ACTR3C: variants seen among roughly 807,000 people sequenced by gnomAD.
ACTR3C encodes the protein actin related protein 3C, also known as actin-related protein 3C.
A neutral mutation model predicts 26.3 loss-of-function variants in ACTR3C; 18 were observed. The observed-to-expected ratio is 0.68, with a 90% CI of 0.47 to 1.01. The LOEUF (loss-of-function observed/expected upper bound fraction) is 1.01, where lower values mean the gene tolerates loss of function less well. Among genes scored for constraint, ACTR3C ranks in the 50% least tolerant of loss-of-function variants. ACTR3C has a pLI of 0.00. For synonymous variants in ACTR3C, 55 were observed against 94.5 expected (o/e 0.58, Z 2.42); for missense variants, 184 against 250.7 (o/e 0.73, Z 1.80).
At chr7:149,887,741 A>G in the ACTR3C span, among the ~76,000 whole-genome samples, 1 of 152,172 alleles carries the variant, frequency 6.6e-6, no homozygotes, top group Non-Finnish European at 1.5e-5. Flanking sequence ...CCAAATCTCA[A>G]CTTGAATTGT....
At chr7:150,086,717 G>A in the ACTR3C span, among the ~76,000 whole-genome samples, 1,625 of 145,774 alleles carry the variant, frequency 0.011, 24 homozygotes, top group African/African-American at 0.037. Context: ...AAAGAAGAGC[G>A]GGAGGTGGCC....
At chr7:150,020,910 TC>T in the ACTR3C span, among the ~76,000 whole-genome samples, 2 of 152,050 alleles carry the variant, frequency 1.3e-5, no homozygotes, top group Non-Finnish European at 2.9e-5. Flanking sequence ...AACCTCCGCC[TC>T]CCAGGTTCAA....
the ACTR3C span, among the ~76,000 whole-genome samples, chr7:150,223,183 G>A: frequency 6.6e-6 from 1 of 152,160 alleles, no homozygotes; most frequent in South Asian, 2.1e-4. Flanking sequence ...ATGAAGTCAT[G>A]CATTATGAAC....
chr7:150,139,151 C>T, the ACTR3C span, among the ~76,000 whole-genome samples: 1 of 152,270 alleles, frequency 6.6e-6, no homozygotes. Context: ...CTCCCCGGTC[C>T]ATGGAAAAAT....
At chr7:149,981,479 C>T in the ACTR3C span, among the ~76,000 whole-genome samples, 1 of 149,878 alleles carries the variant, frequency 6.7e-6, no homozygotes, top group South Asian at 2.1e-4. Flanking sequence ...CAGGAGGAGT[C>T]CTTTGACAAA....
At chr7:150,148,660 A>G in the ACTR3C span, among the ~76,000 whole-genome samples, 2 of 152,124 alleles carry the variant, frequency 1.3e-5, no homozygotes, top group East Asian at 3.8e-4. Context: ...ACATTTTTAC[A>G]ATTCATAAAT....
At chr7:150,241,325 G>A (rs1832164161), downstream of ACTR3C, among the ~76,000 whole-genome samples, 1 of 152,064 alleles carries the variant, frequency 6.6e-6, no homozygotes, top group African/African-American at 2.4e-5. Context: ...GGGTAAATTT[G>A]ACTCACACAT....
chr7:150,164,689 T>C, the ACTR3C span, among the ~76,000 whole-genome samples: 3 of 152,218 alleles, frequency 2.0e-5, no homozygotes, highest in African/African-American at 7.2e-5. Context: ...ATGTCATACT[T>C]CAGGCCAGGA....
intron 1 of ACTR3C, among the ~76,000 whole-genome samples, chr7:150,298,427 T>A (rs1226510204): frequency 6.7e-6 from 1 of 150,196 alleles, no homozygotes; most frequent in Non-Finnish European, 1.5e-5. Flanking sequence ...GCCATACCAG[T>A]CCGATTAAGA....
At chr7:150,306,837 T>C (rs1291022172) in intron 1 of ACTR3C, among the ~76,000 whole-genome samples, 2 of 152,128 alleles carry the variant, frequency 1.3e-5, no homozygotes, top group Non-Finnish European at 2.9e-5. Context: ...GAAAACAATT[T>C]AATGGTTCCT....
chr7:150,183,696 C>CAAAAAAAAAAAAAAA, the ACTR3C span, among the ~76,000 whole-genome samples: 1 of 48,034 alleles, frequency 2.1e-5, no homozygotes, highest in African/African-American at 6.9e-5. Flanking sequence ...GTGGCTATGG[C>CAAAAAAAAAAAAAAA]AAAAAAAAAA....
chr7:150,185,274 GGCGTGTGTGTGTGTGT>G, the ACTR3C span, among the ~76,000 whole-genome samples: 1 of 124,154 alleles, frequency 8.1e-6, no homozygotes, highest in African/African-American at 3.0e-5. Flanking sequence ...TTAAATGTCA[GGCGTGTGTGTGTGTGT>G]GTGTGTGTGT....
chr7:150,020,284 G>A, the ACTR3C span, among the ~76,000 whole-genome samples: 1 of 152,082 alleles, frequency 6.6e-6, no homozygotes. Flanking sequence ...ACCAGAACAA[G>A]AAATCTACAT....
the ACTR3C span, among the ~76,000 whole-genome samples, chr7:149,975,261 C>T: frequency 6.6e-5 from 10 of 152,118 alleles, no homozygotes; most frequent in African/African-American, 9.6e-5. Context: ...GGAAAATACA[C>T]AAGAATATTT....
the ACTR3C span, among the ~76,000 whole-genome samples, chr7:150,014,550 T>C: frequency 6.6e-6 from 1 of 151,886 alleles, no homozygotes. Context: ...TCAAGGCTTG[T>C]GGAGGCTGAC....
chr7:150,086,713 G>A, the ACTR3C span, among the ~76,000 whole-genome samples: 4 of 152,240 alleles, frequency 2.6e-5, no homozygotes, highest in African/African-American at 9.6e-5. Flanking sequence ...GAGGAAAGAA[G>A]AGCGGGAGGT....
chr7:150,033,788 TC>T, the ACTR3C span, among the ~76,000 whole-genome samples: 1 of 140,712 alleles, frequency 7.1e-6, no homozygotes, highest in Non-Finnish European at 1.5e-5. Flanking sequence ...ATGGGGGTCC[TC>T]AGAGCCAGGG....
At chr7:149,959,758 T>C in the ACTR3C span, among the ~76,000 whole-genome samples, 2 of 152,314 alleles carry the variant, frequency 1.3e-5, no homozygotes, top group South Asian at 2.1e-4. Context: ...TCTACCCTAA[T>C]AGAAAATTTC....
intron 1 of ACTR3C, among the ~76,000 whole-genome samples, chr7:150,304,458 T>C (rs1456627566): frequency 6.6e-6 from 1 of 152,118 alleles, no homozygotes; most frequent in Non-Finnish European, 1.5e-5. Context: ...GTAATCAGAG[T>C]TAATTTTCCA....
Sources: gnomAD v4.1 joint callset for allele counts (sites outside exome capture counted in the v4.1 genomes callset) on GRCh38, gnomAD v4.1.1 for gene constraint, MANE v1.5 for transcripts, NCBI Gene and HGNC (gene_info 2026-07-23, HGNC 2026-07-21) for gene names.